Variants in PPP1R2B observed in about 807,000 individuals in gnomAD.
PPP1R2B encodes PPP1R2 family member B.
Under a neutral mutation model 17.6 loss-of-function variants are expected in PPP1R2B, and 13 were observed. The observed-to-expected ratio is 0.74, with a 90% CI of 0.48 to 1.17. The LOEUF is 1.17. PPP1R2B is among the 50% of genes most tolerant of loss of function. PPP1R2B has a pLI of 0.00. For missense variants in PPP1R2B, 230 were observed against 252.4 expected, an observed-to-expected ratio of 0.91 and a Z score of 0.60; for synonymous variants, 105 against 95.4, an observed-to-expected ratio of 1.10 and a Z score of -0.59.
At position 156,850,912 on chromosome 5, in the gene PPP1R2B, A is replaced by T. The variant is rs746261684; in HGVS notation, c.350A>T (p.Gln117Leu). 17 of 1,612,036 alleles carry T rather than the reference A, an allele frequency of 1.1e-5. No individual in the cohort carries two copies. In the Admixed American group the frequency reaches 2.3e-4, roughly 22 times the overall value. The change falls in exon 1 of 1, where the codon CAG becomes CTG. Residue 117 changes from glutamine (Q) to leucine (L), a missense_variant. Gln to Leu is a moderately radical substitution (Grantham distance 113). Transcript: ENST00000522232. ...GGCTTGGAGCCAAAGTACCGGATTC[A>T]GGAACAAGAAAGCAGTGGAGAGGAG... ...AEGLEPKYRIQEQESSGEEDS... is the reference protein window; with the variant it reads ...AEGLEPKYRILEQESSGEEDS...
rs1758476276 is a variant in PPP1R2B, at chr5:156,851,142, C to G, written c.580C>G (p.Pro194Ala). The stretch of plus-strand genomic sequence containing the variant: ...GGAAGAATCAAATCAAGGATCTACT[C>G]CAAGTGACCAACAGCAAAACAAATT... ...NTEESNQGST[P>A]SDQQQNKLRS... The change falls in exon 1 of 1, where the codon CCA becomes GCA. Residue 194 changes from proline to alanine, a missense_variant. By Grantham distance (27) the Pro-to-Ala change is conservative. Coordinates refer to ENST00000522232, the MANE Select transcript of PPP1R2B (RefSeq NM_206858.3). The G allele has an allele frequency of 1.3e-6, 2 of 1,588,248 alleles. No homozygotes were observed. Among genetic ancestry groups the G allele is most frequent in the Non-Finnish European group, 1.7e-6 (2 of 1,156,620 alleles).
At position 156,850,321 on chromosome 5, in the gene PPP1R2B, G is replaced by A. The variant is rs1356690023; in HGVS notation, c.-242G>A. Reference sequence around the variant, plus strand: ...GAGCTCTAGGCCGGCATCTCTCCGCGAGCCGCGGGTCAAGTGCCGGCGGCT... The same window carrying A: ...GAGCTCTAGGCCGGCATCTCTCCGCAAGCCGCGGGTCAAGTGCCGGCGGCT... On this transcript the variant is annotated 5_prime_UTR_variant, in exon 1 of 1. Transcript: ENST00000522232. 3.9e-5 allele frequency among the ~76,000 whole-genome samples: 5 copies of A among 128,928 alleles called. No homozygotes were observed. Among genetic ancestry groups the A allele is most frequent in the Non-Finnish European group, 6.2e-5 (4 of 64,180 alleles). The allele number at this position is 128,928 out of a possible 152,430, so 84.6% of individuals were successfully genotyped here. A position where few individuals can be genotyped will look rare whatever the true frequency, so the allele number is the denominator to read the frequency against.
chr5:156,850,742 C>G lies in PPP1R2B; in HGVS notation c.180C>G (p.Asp60Glu), dbSNP rs1758468859. Residue 60 changes from aspartate to glutamate, a missense_variant, in exon 1 of 1, where the codon GAC (aspartate) becomes GAG (glutamate). Asp to Glu is a conservative substitution (Grantham distance 45, BLOSUM62 2). Transcript: ENST00000522232. ...TCTTGGCGACCTATCATCCAGCAGA[C>G]AAAGGCTATGGTTTAATGAAAATAG... ...INILATYHPA[D>E]KGYGLMKIDE... 3 of 1,532,834 alleles carry G rather than the reference C, an allele frequency of 2.0e-6. No homozygotes were observed. Among genetic ancestry groups the G allele is most frequent in the Non-Finnish European group, 2.7e-6 (3 of 1,106,224 alleles). 95.0% of individuals were successfully genotyped at this position (1,532,834 alleles called of 1,614,324 possible).
rs559972073 is a variant in PPP1R2B, at chr5:156,851,748, G to A, written c.*568G>A. On this transcript the variant is annotated 3_prime_UTR_variant, in exon 1 of 1. Transcript: ENST00000522232. ...TAAAATTCCTGTTGAGTTTCTTTGT[G>A]TTTACAAGGAAAGGACTGAACTTTT... The A allele has an allele frequency of 6.5e-6, 1 of 153,050 alleles. No homozygotes were observed. Among genetic ancestry groups the A allele is most frequent in the South Asian group, 2.1e-4 (1 of 4,836 alleles). The allele number at this position is 153,050 out of a possible 1,614,324, so 9.5% of individuals were successfully genotyped here. A position where few individuals can be genotyped will look rare whatever the true frequency, so the allele number is the denominator to read the frequency against.
chr5:156,850,412 G>A lies in PPP1R2B; in HGVS notation c.-151G>A. The A allele has an allele frequency of 2.1e-6, 2 of 946,266 alleles. No individual in the cohort carries two copies. Among genetic ancestry groups the A allele is most frequent in the Non-Finnish European group, 3.1e-6 (2 of 644,494 alleles). The allele number at this position is 946,266 out of a possible 1,614,324, so 58.6% of individuals were successfully genotyped here. The stretch of plus-strand genomic sequence containing the variant: ...TGGCGTCGGGGTCGTTGTGACAACC[G>A]CTCCAGTAGCCGTTTCCGAGGCAGC... On this transcript the variant is annotated 5_prime_UTR_variant, in exon 1 of 1. Transcript: ENST00000522232.
chr5:156,850,488 C>T lies in PPP1R2B; in HGVS notation c.-75C>T, dbSNP rs1375845758. ...GGGCTCTGCGGCTGCCTGCGAGTCT[C>T]TGCTGTGCCGACCCTTCTCTTCGCG... is the stretch of plus-strand genomic sequence containing the variant. On this transcript the variant is annotated 5_prime_UTR_variant, in exon 1 of 1. Coordinates refer to ENST00000522232, the MANE Select transcript of PPP1R2B (RefSeq NM_206858.3). 4.8e-5 allele frequency: 73 copies of T among 1,532,706 alleles called. No individual in the cohort carries two copies. The highest frequency in any genetic ancestry group is 6.2e-5 in the Non-Finnish European group (70 of 1,134,386). The allele number at this position is 1,532,706 out of a possible 1,614,324, so 94.9% of individuals were successfully genotyped here. A position where few individuals can be genotyped will look rare whatever the true frequency, so the allele number is the denominator to read the frequency against.
At position 156,850,636 on chromosome 5, in the gene PPP1R2B, T is replaced by C. The variant is rs777833143; in HGVS notation, c.74T>C (p.Met25Thr). 118 of 1,604,038 alleles carry C rather than the reference T, an allele frequency of 7.4e-5. No individual in the cohort carries two copies. Among genetic ancestry groups the C allele is most frequent in the Non-Finnish European group, 9.8e-5 (115 of 1,173,076 alleles). Residue 25 changes from methionine (M) to threonine (T), a missense_variant, in exon 1 of 1, where the codon ATG (methionine) becomes ACG (threonine). Coordinates refer to ENST00000522232, the MANE Select transcript of PPP1R2B (RefSeq NM_206858.3). ...LKNKTSTTSSMVASAEQPRRS... is the reference protein window; with the variant it reads ...LKNKTSTTSSTVASAEQPRRS... ...AACAAGACCTCTACGACTTCCTCTATGGTGGCGTCGGCCGAACAGCCCCGC... is the reference window on the plus strand; with the variant it reads ...AACAAGACCTCTACGACTTCCTCTACGGTGGCGTCGGCCGAACAGCCCCGC...
At position 156,851,055 on chromosome 5, in the gene PPP1R2B, C is replaced by T; in HGVS notation, c.493C>T (p.Leu165=). The change falls in exon 1 of 1, where the codon CTA becomes TTA. Residue 165 remains leucine, a synonymous_variant. Coordinates refer to ENST00000522232, the MANE Select transcript of PPP1R2B (RefSeq NM_206858.3). The stretch of plus-strand genomic sequence containing the variant: ...AGCCAGACAATTAATTTCAAAAGAC[C>T]TACATGATGATGATGAAGATGAAGA... ...KLARQLISKD[L]HDDDEDEEML... The T allele has an allele frequency of 6.2e-7, 1 of 1,608,044 alleles. No individual in the cohort carries two copies. Among genetic ancestry groups the T allele is most frequent in the Non-Finnish European group, 8.5e-7 (1 of 1,174,544 alleles).
Position 156,850,529 on chromosome 5 carries a change from A to C in PPP1R2B, c.-34A>C. 1 of 1,571,840 alleles carries C rather than the reference A, an allele frequency of 6.4e-7. No individual in the cohort carries two copies. The highest frequency in any genetic ancestry group is 8.6e-7 in the Non-Finnish European group (1 of 1,158,944). On this transcript the variant is annotated 5_prime_UTR_variant, in exon 1 of 1. Transcript: ENST00000522232. The stretch of plus-strand genomic sequence containing the variant: ...TCTCTTCGCGGACCCCACGCCAAGC[A>C]GCGACCCTGAGGCGACAGCCGGAGC...
chr5:156,850,717 T>C lies in PPP1R2B; in HGVS notation c.155T>C (p.Ile52Thr), dbSNP rs768297466. 45 of 1,547,354 alleles carry C rather than the reference T, an allele frequency of 2.9e-5. 3 individuals are homozygous for C. The South Asian group carries it at 5.0e-4, about 17-fold the overall frequency. ...KKSQKWDEINILATYHPADKG... is the reference protein window; with the variant it reads ...KKSQKWDEINTLATYHPADKG... ...TCCCAGAAGTGGGATGAAATTAACA[T>C]CTTGGCGACCTATCATCCAGCAGAC... The change falls in exon 1 of 1, where the codon ATC becomes ACC. Residue 52 changes from isoleucine to threonine, a missense_variant. Ile to Thr is a moderately conservative substitution (Grantham distance 89, BLOSUM62 -1). Coordinates refer to ENST00000522232, the MANE Select transcript of PPP1R2B (RefSeq NM_206858.3).
chr5:156,852,109 TC>T lies in PPP1R2B; in HGVS notation c.*930del, dbSNP rs1758489085. The T allele has an allele frequency of 6.6e-6, 1 of 152,142 alleles. No homozygotes were observed. Among genetic ancestry groups the T allele is most frequent in the Non-Finnish European group, 1.5e-5 (1 of 67,994 alleles). 9.4% of individuals were successfully genotyped at this position (152,142 alleles called of 1,614,324 possible). A position where few individuals can be genotyped will look rare whatever the true frequency, so the allele number is the denominator to read the frequency against. ...CTGTCATTTGCTGCTGTGTGGAAAT[TC>T]TTATTTTGACCATCAATGCCTATGA... On this transcript the variant is annotated 3_prime_UTR_variant, in exon 1 of 1. Transcript: ENST00000522232.
chr5:156,852,487 A>C lies in PPP1R2B; in HGVS notation c.*1307A>C, dbSNP rs1758494162. The C allele has an allele frequency of 6.6e-6, 1 of 152,070 alleles. No individual in the cohort carries two copies. The highest frequency in any genetic ancestry group is 1.5e-5 in the Non-Finnish European group (1 of 67,978). 9.4% of individuals were successfully genotyped at this position (152,070 alleles called of 1,614,324 possible). A position where few individuals can be genotyped will look rare whatever the true frequency, so the allele number is the denominator to read the frequency against. ...ACTTTATTCCTCTAACGCAGTAAGA[A>C]TTATGTGGAATATTTTCCTTAAACG... On this transcript the variant is annotated 3_prime_UTR_variant, in exon 1 of 1. Coordinates refer to ENST00000522232, the MANE Select transcript of PPP1R2B (RefSeq NM_206858.3).
In PPP1R2B at chr5:156,851,295, T is replaced by G. The variant is rs1175351507; in HGVS notation, c.*115T>G. 1.3e-6 allele frequency: 1 copy of G among 792,858 alleles called. No homozygotes were observed. Among genetic ancestry groups the G allele is most frequent in the African/African-American group, 1.7e-5 (1 of 57,986 alleles). The allele number at this position is 792,858 out of a possible 1,614,324, so 49.1% of individuals were successfully genotyped here. A position where few individuals can be genotyped will look rare whatever the true frequency, so the allele number is the denominator to read the frequency against. Reference sequence around the variant, plus strand: ...AAGTACCAAAATGCATACCAGTTATTATATATTGCCAAGAATTAAATGATA... The same window carrying G: ...AAGTACCAAAATGCATACCAGTTATGATATATTGCCAAGAATTAAATGATA... On this transcript the variant is annotated 3_prime_UTR_variant, in exon 1 of 1. Transcript: ENST00000522232.
chr5:156,850,838 T>TG lies in PPP1R2B; in HGVS notation c.277dup (p.Glu93GlyfsTer16). 1 of 1,542,860 alleles carries TG rather than the reference T, an allele frequency of 6.5e-7. No homozygotes were observed. On this transcript the variant is annotated frameshift_variant, in exon 1 of 1. Coordinates refer to ENST00000522232, the MANE Select transcript of PPP1R2B (RefSeq NM_206858.3). LOFTEE classifies it high-confidence loss of function. ...ATGCGTGTAGGGACACCGAGACCAC[T>TG]GAAGCCATGGCGCCAGACATCCTAG...
Position 156,851,465 on chromosome 5 carries a change from T to C in PPP1R2B, c.*285T>C, listed in dbSNP as rs1025846057. 8.3e-6 allele frequency: 4 copies of C among 482,248 alleles called. No individual in the cohort carries two copies. Among genetic ancestry groups the C allele is most frequent in the Non-Finnish European group, 1.5e-5 (4 of 275,818 alleles). The allele number at this position is 482,248 out of a possible 1,614,324, so 29.9% of individuals were successfully genotyped here. ...ACTGGTTAATTTGTATAAGATATTA[T>C]AGAGCTTTTTATGCTTTAGAAGTTA... On this transcript the variant is annotated 3_prime_UTR_variant, in exon 1 of 1. Coordinates refer to ENST00000522232, the MANE Select transcript of PPP1R2B (RefSeq NM_206858.3).
In PPP1R2B at chr5:156,850,735, C is replaced by CA. The variant is rs765570105; in HGVS notation, c.174dup (p.Ala59SerfsTer12). 1 of 1,536,362 alleles carries CA rather than the reference C, an allele frequency of 6.5e-7. No homozygotes were observed. The highest frequency in any genetic ancestry group is 1.1e-5 in the South Asian group (1 of 89,476). On this transcript the variant is annotated frameshift_variant, in exon 1 of 1. Coordinates refer to ENST00000522232, the MANE Select transcript of PPP1R2B (RefSeq NM_206858.3). LOFTEE classifies it high-confidence loss of function. ...ATTAACATCTTGGCGACCTATCATC[C>CA]AGCAGACAAAGGCTATGGTTTAATG...
chr5:156,851,573 T>A lies in PPP1R2B; in HGVS notation c.*393T>A, dbSNP rs1169817542. 9.0e-6 allele frequency: 2 copies of A among 221,260 alleles called. No homozygotes were observed. Among genetic ancestry groups the A allele is most frequent in the East Asian group, 1.2e-4 (1 of 8,466 alleles). 13.7% of individuals were successfully genotyped at this position (221,260 alleles called of 1,614,324 possible). ...TACAAAGTTTGTTGATTTGTTTTTT[T>A]AAAAATCAAAAGCCAGTTGAACAAC... is the stretch of plus-strand genomic sequence containing the variant. On this transcript the variant is annotated 3_prime_UTR_variant, in exon 1 of 1. Coordinates refer to ENST00000522232, the MANE Select transcript of PPP1R2B (RefSeq NM_206858.3).
rs1451174791 is a variant in PPP1R2B at position 156,850,672 on chromosome 5, A to T, written c.110A>T (p.Asp37Val). 3.8e-6 allele frequency: 6 copies of T among 1,588,196 alleles called. No homozygotes were observed. Among genetic ancestry groups the T allele is most frequent in the Non-Finnish European group, 5.2e-6 (6 of 1,156,942 alleles). ...GCCGAACAGCCCCGCAGGAGTGTCG[A>T]CGAGGAGCTGAGCAAAAAATCCCAG... ...ASAEQPRRSV[D>V]EELSKKSQKW... The change falls in exon 1 of 1, where the codon GAC becomes GTC. Residue 37 changes from aspartate (D) to valine (V), a missense_variant. Transcript: ENST00000522232.
rs760523691 is a variant in PPP1R2B, at chr5:156,851,039, A to G, written c.477A>G (p.Gln159=). 10 of 1,612,030 alleles carry G rather than the reference A, an allele frequency of 6.2e-6. No individual in the cohort carries two copies. In the African/African-American group the frequency reaches 1.2e-4, roughly 19 times the overall value. ...GACTCAATATCAAACTAGCCAGACA[A>G]TTAATTTCAAAAGACCTACATGATG... is the stretch of plus-strand genomic sequence containing the variant. The part of the protein sequence containing the change: ...NEGLNIKLAR[Q]LISKDLHDDD... Residue 159 remains glutamine, a synonymous_variant, in exon 1 of 1, where the codon CAA becomes CAG. Transcript: ENST00000522232.
Sources: allele counts gnomAD v4.1 joint callset (sites outside exome capture counted in the v4.1 genomes callset), GRCh38; gene constraint gnomAD v4.1.1; transcripts MANE v1.5; gene names NCBI Gene and HGNC (gene_info 2026-07-23, HGNC 2026-07-21).